Variants in ZNF831 observed in about 807,000 individuals in gnomAD.
ZNF831 encodes the protein zinc finger protein 831, also known as chromosome 20 open reading frame 174.
ZNF831 carries 59 observed loss-of-function variants against 95.8 expected under a neutral mutation model. That is an observed-to-expected ratio of 0.62 (90% confidence interval 0.50 to 0.77). The LOEUF is 0.77. ZNF831 is among the 30% of genes least tolerant of loss of function. The probability of loss-of-function intolerance (pLI) is 0.00; values close to 1 mark genes in which losing one functional copy is unlikely to be tolerated. For synonymous variants in ZNF831, 961 were observed against 925.5 expected (o/e 1.04, Z -0.70); for missense variants, 2,205 against 2,164.0 (o/e 1.02, Z -0.38).
intron 3 of ZNF831, among the ~76,000 whole-genome samples, chr20:59,199,565 CA>C (rs1984383396): frequency 6.6e-6 from 1 of 152,114 alleles, no homozygotes; most frequent in Admixed American, 6.6e-5. Flanking sequence ...TGATCAAATT[CA>C]TTCATTCTGA....
At chr20:59,163,017 G>T (rs111972034), upstream of ZNF831, among the ~76,000 whole-genome samples, 3,267 of 93,950 alleles carry the variant, frequency 0.035, 75 homozygotes, top group African/African-American at 0.13. Flanking sequence ...ATTCCTAGGT[G>T]TGTGTGTGTG....
chr20:59,253,880 C>CTTTTCTCTTTTT lies in ZNF831; in HGVS notation c.4189-15_4189-14insTCTCTTTTTTTT. ...AACCTCCCCCCCCACTTTTTTTTTC[C>CTTTTCTCTTTTT]TTTGCACTTTGTTGCAGGATATTTC... On this transcript the variant is annotated splice_polypyrimidine_tract_variant and intron_variant, in intron 5 of 5. Transcript: ENST00000371030. The CTTTTCTCTTTTT allele has an allele frequency of 1.6e-6, 1 of 621,700 alleles. No individual in the cohort carries two copies. The highest frequency in any genetic ancestry group is 2.3e-6 in the Non-Finnish European group (1 of 439,406). The allele number at this position is 621,700 out of a possible 1,614,324, so 38.5% of individuals were successfully genotyped here.
chr20:59,151,454 G>T (rs1281369227), intron 2 of ZNF831, among the ~76,000 whole-genome samples: 1 of 152,208 alleles, frequency 6.6e-6, no homozygotes, highest in African/African-American at 2.4e-5. Flanking sequence ...CCCTGTGCTA[G>T]CATCTTGTGC....
intron 1 of ZNF831, among the ~76,000 whole-genome samples, chr20:59,136,303 T>C (rs1034136236): frequency 6.6e-6 from 1 of 152,212 alleles, no homozygotes; most frequent in African/African-American, 2.4e-5. Context: ...TGTGATTACT[T>C]CAGCCCCAAC....
rs556192616 is a variant in ZNF831 at position 59,150,962 on chromosome 20, T to C, written c.-1281+4588T>C. 8.5e-5 allele frequency among the ~76,000 whole-genome samples: 13 copies of C among 152,310 alleles called. No homozygotes were observed. The South Asian group carries it at 2.7e-3, about 32-fold the overall frequency. Reference sequence around the variant, plus strand: ...GAGATGGGAACGGCTGTGTCAACCATGCAAATTATATACAAATACACTTGG... The same window carrying C: ...GAGATGGGAACGGCTGTGTCAACCACGCAAATTATATACAAATACACTTGG... On this transcript the variant is annotated intron_variant, in intron 2 of 7. Coordinates refer to the ZNF831 transcript ENST00000637017.
chr20:59,171,766 C>T (rs536284716), intron 1 of ZNF831, among the ~76,000 whole-genome samples: 2 of 152,336 alleles, frequency 1.3e-5, no homozygotes, highest in Non-Finnish European at 2.9e-5. Context: ...CAAACCCCCT[C>T]CAGTCCTCGT....
At chr20:59,231,388 C>G (rs1452889212) in intron 4 of ZNF831, among the ~76,000 whole-genome samples, 4 of 152,128 alleles carry the variant, frequency 2.6e-5, no homozygotes, top group Non-Finnish European at 5.9e-5. Flanking sequence ...GTCTTCATGC[C>G]AGAATGACAT....
chr20:59,154,638 C>T (rs1980429642), intron 2 of ZNF831, among the ~76,000 whole-genome samples: 1 of 152,236 alleles, frequency 6.6e-6, no homozygotes, highest in South Asian at 2.1e-4. Context: ...GGCCTAAGCT[C>T]TATGTCATCT....
chr20:59,209,192 G>T (rs1985119129), intron 4 of ZNF831, among the ~76,000 whole-genome samples: 2 of 152,154 alleles, frequency 1.3e-5, no homozygotes, highest in African/African-American at 4.8e-5. Context: ...TGAGATTCAA[G>T]GTGCAGCAAT....
chr20:59,152,339 G>C (rs569428637), intron 2 of ZNF831, among the ~76,000 whole-genome samples: 2 of 152,268 alleles, frequency 1.3e-5, no homozygotes, highest in East Asian at 3.9e-4. Flanking sequence ...CAGGGGGTTG[G>C]GGGTTTCCAG....
rs745722708 is a variant in ZNF831, at chr20:59,193,557, G to A, written c.2538G>A (p.Gly846=). The A allele has an allele frequency of 6.2e-7, 1 of 1,604,338 alleles. No individual in the cohort carries two copies. The highest frequency in any genetic ancestry group is 1.3e-5 in the African/African-American group (1 of 74,756). Residue 846 remains glycine (G), a synonymous_variant, in exon 2 of 6, where the codon GGG becomes GGA. Coordinates refer to ENST00000371030, the MANE Select transcript of ZNF831 (RefSeq NM_178457.3). ...PEPVSAETPG[G]PTQPASLSSQ... ...CTGTGAGCGCAGAGACCCCAGGTGGGCCCACGCAGCCTGCCTCTTTGTCAT... is the reference window on the plus strand; with the variant it reads ...CTGTGAGCGCAGAGACCCCAGGTGGACCCACGCAGCCTGCCTCTTTGTCAT...
At chr20:59,143,836 C>G (rs748217926) in intron 1 of ZNF831, among the ~76,000 whole-genome samples, 2 of 152,226 alleles carry the variant, frequency 1.3e-5, no homozygotes, top group Non-Finnish European at 2.9e-5. Context: ...AATCCCCAAC[C>G]AGGCTGGACA....
upstream of ZNF831, among the ~76,000 whole-genome samples, chr20:59,161,804 TA>T (rs1379888662): frequency 1.3e-5 from 2 of 152,242 alleles, no homozygotes; most frequent in Admixed American, 1.3e-4. Flanking sequence ...GGTCGAATGG[TA>T]GTTCTACTTT....
chr20:59,183,248 C>A (rs1038075094), intron 1 of ZNF831, among the ~76,000 whole-genome samples: 1 of 152,192 alleles, frequency 6.6e-6, no homozygotes, highest in African/African-American at 2.4e-5. Flanking sequence ...TGGAGCCAGG[C>A]CTGACCTTAC....
intron 3 of ZNF831, among the ~76,000 whole-genome samples, chr20:59,196,485 C>T (rs1027840098): frequency 2.0e-5 from 3 of 152,194 alleles, no homozygotes; most frequent in African/African-American, 7.2e-5. Flanking sequence ...TATCCACCCC[C>T]AACAAACAGG....
At chr20:59,209,411 C>G (rs1855704898) in intron 4 of ZNF831, among the ~76,000 whole-genome samples, 1 of 152,056 alleles carries the variant, frequency 6.6e-6, no homozygotes, top group South Asian at 2.1e-4. Flanking sequence ...GATGGGGGTT[C>G]TTTTGGAAAT....
At chr20:59,190,789 AG>A (rs1400385502) in intron 1 of ZNF831, among the ~76,000 whole-genome samples, 194 bp from the exon 2 acceptor site, 1 of 152,234 alleles carries the variant, frequency 6.6e-6, no homozygotes, top group African/African-American at 2.4e-5. Context: ...TTGCATGACA[AG>A]TTACTTCGCT....
At chr20:59,199,444 GTCTTTAAAGT>G (rs1984375949) in intron 3 of ZNF831, among the ~76,000 whole-genome samples, 1 of 151,940 alleles carries the variant, frequency 6.6e-6, no homozygotes, top group Admixed American at 6.6e-5. Flanking sequence ...ATTGTTTGGT[GTCTTTAAAGT>G]ACACATAAAA....
intron 2 of ZNF831, among the ~76,000 whole-genome samples, chr20:59,158,164 T>C (rs1275610158): frequency 6.6e-6 from 1 of 152,182 alleles, no homozygotes; most frequent in Admixed American, 6.5e-5. Flanking sequence ...GCGCTTTCAT[T>C]ATCTGTGATG....
Sources: allele counts gnomAD v4.1 joint callset (sites outside exome capture counted in the v4.1 genomes callset), GRCh38; gene constraint gnomAD v4.1.1; transcripts MANE v1.5; gene names NCBI Gene and HGNC (gene_info 2026-07-23, HGNC 2026-07-21).